The following TENT5D variants were observed in gnomAD, a reference collection of about 807,000 sequenced individuals.
TENT5D encodes terminal nucleotidyltransferase 5D.
For missense variants in TENT5D, 191 were observed against 287.0 expected (o/e 0.67, Z 2.42); for synonymous variants, 103 against 100.6 (o/e 1.02, Z -0.15).
intron 3 of TENT5D, among the ~76,000 whole-genome samples, chrX:80,348,921 G>A (rs758216799): frequency 2.7e-5 from 3 of 112,039 alleles, no homozygotes; most frequent in South Asian, 3.7e-4. Flanking sequence ...AGATAATCAC[G>A]TGGTTTTTGT....
intron 3 of TENT5D, among the ~76,000 whole-genome samples, chrX:80,343,995 T>C (rs1413462924): frequency 9.0e-6 from 1 of 110,667 alleles, no homozygotes; most frequent in Non-Finnish European, 1.9e-5. Context: ...TTTTCCCCTC[T>C]GAATCAATGG....
chrX:80,354,883 A>G (rs1454047992), intron 3 of TENT5D, among the ~76,000 whole-genome samples: 1 of 111,757 alleles, frequency 8.9e-6, no homozygotes, highest in Non-Finnish European at 1.9e-5. Flanking sequence ...GGGGCGTTTT[A>G]CTTTTATTCC....
chrX:80,356,759 A>G (rs1400727104), intron 3 of TENT5D, among the ~76,000 whole-genome samples: 2 of 111,068 alleles, frequency 1.8e-5, no homozygotes, highest in African/African-American at 3.3e-5. Flanking sequence ...GAAGTTTTTT[A>G]TTTTTTTATT....
intron 1 of TENT5D, among the ~76,000 whole-genome samples, chrX:80,428,310 G>A (rs924126591): frequency 8.9e-6 from 1 of 111,829 alleles, no homozygotes; most frequent in Non-Finnish European, 1.9e-5. Flanking sequence ...TATATTGTGT[G>A]GGGTGTAAAC....
chrX:80,430,371 T>C (rs948316374), intron 1 of TENT5D, among the ~76,000 whole-genome samples: 1 of 111,220 alleles, frequency 9.0e-6, no homozygotes, highest in East Asian at 2.8e-4. Context: ...GCCGATGATA[T>C]GACTGCTGGG....
At chrX:80,351,259 C>T (rs1050551437) in intron 3 of TENT5D, among the ~76,000 whole-genome samples, 6 of 108,869 alleles carry the variant, frequency 5.5e-5, no homozygotes, top group African/African-American at 2.1e-4. Flanking sequence ...GTTCAATTCT[C>T]CCTATCACTT....
intron 1 of TENT5D, among the ~76,000 whole-genome samples, chrX:80,424,398 T>G (rs1305362381): frequency 1.8e-5 from 2 of 111,971 alleles, no homozygotes; most frequent in African/African-American, 6.5e-5. Flanking sequence ...TGGTTTTACT[T>G]TTTAAACAAA....
At chrX:80,399,333 A>G (rs1369039437) in intron 3 of TENT5D, among the ~76,000 whole-genome samples, 17 of 112,179 alleles carry the variant, frequency 1.5e-4, no homozygotes, top group African/African-American at 5.5e-4. Flanking sequence ...GCATGTGGAT[A>G]TTGGTTTTCC....
At chrX:80,391,966 GA>G (rs1303451381) in intron 3 of TENT5D, among the ~76,000 whole-genome samples, 9 of 112,423 alleles carry the variant, frequency 8.0e-5, no homozygotes, top group African/African-American at 2.6e-4. Context: ...TGGTATAATA[GA>G]AAGAGTAGAG....
intron 3 of TENT5D, among the ~76,000 whole-genome samples, chrX:80,359,597 G>A (rs1051095483): frequency 9.0e-6 from 1 of 110,856 alleles, no homozygotes; most frequent in African/African-American, 3.3e-5. Context: ...GAGAACACAT[G>A]GATACAGGGA....
At chrX:80,383,736 G>C (rs1436335268) in intron 3 of TENT5D, among the ~76,000 whole-genome samples, 2 of 111,110 alleles carry the variant, frequency 1.8e-5, no homozygotes, top group East Asian at 5.6e-4. Context: ...GGCACCTGTA[G>C]TCCCAGCTAC....
At chrX:80,391,520 C>A (rs1160296646) in intron 3 of TENT5D, among the ~76,000 whole-genome samples, 2 of 111,861 alleles carry the variant, frequency 1.8e-5, no homozygotes. Flanking sequence ...ATCATGCATT[C>A]TTCATTTCTT....
chrX:80,368,466 C>T (rs751765586), intron 3 of TENT5D, among the ~76,000 whole-genome samples: 9 of 111,933 alleles, frequency 8.0e-5, no homozygotes, highest in Non-Finnish European at 1.1e-4. Context: ...CTCTATTGAA[C>T]TCTTTGAAGG....
chrX:80,344,647 A>G (rs1488209072), intron 3 of TENT5D, among the ~76,000 whole-genome samples: 1 of 110,484 alleles, frequency 9.1e-6, no homozygotes, highest in Non-Finnish European at 1.9e-5. Flanking sequence ...AAGGTTATTG[A>G]ACTTCAATAA....
chrX:80,382,864 G>A (rs190995128), intron 3 of TENT5D, among the ~76,000 whole-genome samples: 7 of 112,370 alleles, frequency 6.2e-5, no homozygotes, highest in African/African-American at 2.3e-4. Flanking sequence ...GCAGTATTAA[G>A]GCAGGAGTGT....
intron 3 of TENT5D, among the ~76,000 whole-genome samples, chrX:80,356,919 A>C (rs1275516764): frequency 9.2e-6 from 1 of 108,921 alleles, no homozygotes; most frequent in South Asian, 4.1e-4. Context: ...CGCTCCTCCC[A>C]CCCCACAACA....
At chrX:80,402,067 T>C (rs1421013465) in intron 3 of TENT5D, among the ~76,000 whole-genome samples, 2 of 111,741 alleles carry the variant, frequency 1.8e-5, no homozygotes, top group African/African-American at 6.5e-5. Flanking sequence ...ACTGATTCAA[T>C]CTTCTCACTT....
chrX:80,435,384 A>T (rs1241060617), intron 1 of TENT5D, among the ~76,000 whole-genome samples: 1 of 112,342 alleles, frequency 8.9e-6, no homozygotes, highest in Non-Finnish European at 1.9e-5. Flanking sequence ...ACTAAATATT[A>T]TACTTTTTAC....
intron 3 of TENT5D, among the ~76,000 whole-genome samples, chrX:80,377,922 G>A (rs760100673): frequency 5.7e-4 from 64 of 111,654 alleles, no homozygotes; most frequent in African/African-American, 1.6e-3. Flanking sequence ...TTTAATGATC[G>A]CCATTCTAAC....
Sources: gnomAD v4.1 joint callset for allele counts (sites outside exome capture counted in the v4.1 genomes callset) on GRCh38, gnomAD v4.1.1 for gene constraint, MANE v1.5 for transcripts, NCBI Gene and HGNC (gene_info 2026-07-23, HGNC 2026-07-21) for gene names.